AGRN: variants seen among roughly 807,000 people sequenced by gnomAD.
The protein encoded by AGRN is agrin proteoglycan.
AGRN carries 106 observed loss-of-function variants against 211.0 expected under a neutral mutation model. The observed-to-expected ratio is 0.50, with a 90% CI of 0.43 to 0.59. The LOEUF (loss-of-function observed/expected upper bound fraction) is 0.59, where lower values mean the gene tolerates loss of function less well. AGRN is among the 20% of genes least tolerant of loss of function. The probability of loss-of-function intolerance (pLI) is 0.00; values close to 1 mark genes in which losing one functional copy is unlikely to be tolerated. For missense variants in AGRN, 3,040 were observed against 2,982.6 expected, an observed-to-expected ratio of 1.02 and a Z score of -0.45; for synonymous variants, 1,525 against 1,332.5, an observed-to-expected ratio of 1.14 and a Z score of -3.15.
intron 2 of AGRN, among the ~76,000 whole-genome samples, chr1:1,030,357 TG>T (rs1480680001): frequency 7.4e-6 from 1 of 134,836 alleles, no homozygotes; most frequent in Non-Finnish European, 1.5e-5. Context: ...GTGCAGCGCA[TG>T]GTGCTGTGTG....
At chr1:1,028,136 G>A (rs1354574555) in intron 2 of AGRN, among the ~76,000 whole-genome samples, 1 of 152,182 alleles carries the variant, frequency 6.6e-6, no homozygotes, top group Non-Finnish European at 1.5e-5. Flanking sequence ...CCGGGAAGGA[G>A]CTGTGCATTG....
chr1:1,034,338 T>G, intron 2 of AGRN: 1 of 985,436 alleles, frequency 1.0e-6, no homozygotes, highest in Non-Finnish European at 1.2e-6. Context: ...GGATTTCTAC[T>G]CCGGGAGAAT....
rs754363785 is a variant in AGRN at position 1,043,579 on chromosome 1, G to A, written c.1645G>A (p.Glu549Lys). 32 of 1,605,050 alleles carry A rather than the reference G, an allele frequency of 2.0e-5. No homozygotes were observed. The highest frequency in any genetic ancestry group is 6.7e-5 in the Admixed American group (4 of 59,984). Reference sequence around the variant, plus strand: ...CCGCTTTGGAGCCCTGTGCGAGGCCGAGACCGGGCGCTGCGTGTGCCCCTC... The same window carrying A: ...CCGCTTTGGAGCCCTGTGCGAGGCCAAGACCGGGCGCTGCGTGTGCCCCTC... Reference protein sequence around the residue: ...QCRFGALCEAETGRCVCPSEC... With the variant: ...QCRFGALCEAKTGRCVCPSEC... Residue 549 changes from glutamate (E) to lysine (K), a missense_variant, in exon 9 of 36, where the codon GAG (glutamate) becomes AAG (lysine). Around this residue, in one of 3 missense-constraint regions of AGRN, gnomAD observed 1,498 missense variants for 1,457.8 expected, o/e 1.03. Coordinates refer to ENST00000379370, the MANE Select transcript of AGRN (RefSeq NM_198576.4).
chr1:1,054,819 T>C lies in AGRN; in HGVS notation c.5981-5T>C, dbSNP rs1217845704. The C allele has an allele frequency of 1.3e-6, 2 of 1,554,812 alleles. No homozygotes were observed. On this transcript the variant is annotated splice_polypyrimidine_tract_variant and splice_region_variant and intron_variant, in intron 35 of 35. Coordinates refer to ENST00000379370, the MANE Select transcript of AGRN (RefSeq NM_198576.4). ...GCCGGGTGACTCCCACTGTCTGTGC[T>C]GCAGGGGGCCTGCCGGAGCTGCCCG...
Position 1,049,922 on chromosome 1 carries a change from G to A in AGRN, c.4764G>A (p.Glu1588=). 6.2e-7 allele frequency: 1 copy of A among 1,612,194 alleles called. No homozygotes were observed. The highest frequency in any genetic ancestry group is 8.5e-7 in the Non-Finnish European group (1 of 1,179,732). The change falls in exon 27 of 36, where the codon GAG becomes GAA. Residue 1588 remains glutamate (E), a synonymous_variant. Transcript: ENST00000379370. ...ATCCAGGACCAACCTGTGCCGATGA[G>A]AAGAGCCCCTGCCAGCCCAACCCCT... The part of the protein sequence containing the change: ...PGRVGPTCAD[E]KSPCQPNPCH...
intron 7 of AGRN, 39 bp downstream of exon 7, chr1:1,042,201 C>T: frequency 6.4e-7 from 1 of 1,564,210 alleles, no homozygotes; most frequent in Non-Finnish European, 8.6e-7. Context: ...GGGTGGGCTG[C>T]TCCTGCGTCA....
In AGRN at chr1:1,035,955, G is replaced by C. The variant is rs1378632142; in HGVS notation, c.511+631G>C. 6.6e-5 allele frequency among the ~76,000 whole-genome samples: 10 copies of C among 152,284 alleles called. No individual in the cohort carries two copies. The South Asian group carries it at 2.1e-3, about 32-fold the overall frequency. On this transcript the variant is annotated intron_variant, in intron 3 of 35. Coordinates refer to ENST00000379370, the MANE Select transcript of AGRN (RefSeq NM_198576.4). The stretch of plus-strand genomic sequence containing the variant: ...GGCCACTGTCATCGGGGTGGTGTGA[G>C]GGTGTGAGGGGAAGAGAGGAAGTGG...
rs1644661204 is a variant in AGRN at position 1,031,020 on chromosome 1, TGC to T, written c.464-4256_464-4255del. ...TGAGTGTGAGATCAGCATGTGTGTG[TGC>T]AGTGCATGGTGCTGTGAGTGTATCA... On this transcript the variant is annotated intron_variant, in intron 2 of 35. Transcript: ENST00000379370. The surrounding 1 kb of genome is among the most constrained non-coding windows in gnomAD (Gnocchi z 4.8). 8.5e-6 allele frequency among the ~76,000 whole-genome samples: 1 copy of T among 117,540 alleles called. No homozygotes were observed. Among genetic ancestry groups the T allele is most frequent in the Admixed American group, 9.3e-5 (1 of 10,756 alleles). The allele number at this position is 117,540 out of a possible 152,430, so 77.1% of individuals were successfully genotyped here.
intron 2 of AGRN, among the ~76,000 whole-genome samples, chr1:1,027,498 C>T (rs72898502): frequency 6.9e-4 from 105 of 152,328 alleles, no homozygotes; most frequent in African/African-American, 2.5e-3. Context: ...GTTGGTTGTC[C>T]ACTCTCCTGC....
chr1:1,032,813 G>A lies in AGRN; in HGVS notation c.464-2464G>A, dbSNP rs1481592473. On this transcript the variant is annotated intron_variant, in intron 2 of 35. Coordinates refer to ENST00000379370, the MANE Select transcript of AGRN (RefSeq NM_198576.4). The surrounding 1 kb of genome is among the most constrained non-coding windows in gnomAD (Gnocchi z 4.7). ...CGCAGGGGTCCCTTCCAAAGGCTGC[G>A]GGTGGCCAGGGGTGTGCGGGGGCGC... Among the ~76,000 whole-genome samples the A allele has an allele frequency of 6.6e-6, 1 of 152,144 alleles. No homozygotes were observed. Among genetic ancestry groups the A allele is most frequent in the Non-Finnish European group, 1.5e-5 (1 of 68,016 alleles).
At position 1,042,169 on chromosome 1, in the gene AGRN, G is replaced by GC. The variant is rs753318299; in HGVS notation, c.1384+11dup. On this transcript the variant is annotated splice_region_variant and intron_variant, in intron 7 of 35. Coordinates refer to ENST00000379370, the MANE Select transcript of AGRN (RefSeq NM_198576.4). ...AAGCACCAGGGCCCGTGTGGTGAGC[G>GC]CCCCGGGGTGGAGGCCAGGCGGGGT... The GC allele has an allele frequency of 2.8e-5, 45 of 1,587,794 alleles. No individual in the cohort carries two copies. The African/African-American group carries it at 5.2e-4, about 18-fold the overall frequency.
Position 1,041,335 on chromosome 1 carries a change from A to T in AGRN, c.890A>T (p.Gln297Leu). Reference protein sequence around the residue: ...SDGADYPGECQLLRRACARQE... With the variant: ...SDGADYPGECLLLRRACARQE... ...GGCGCCGACTACCCCGGCGAGTGCCAGCTCCTGCGCCGCGCCTGCGCCCGC... is the reference window on the plus strand; with the variant it reads ...GGCGCCGACTACCCCGGCGAGTGCCTGCTCCTGCGCCGCGCCTGCGCCCGC... Residue 297 changes from glutamine (Q) to leucine (L), a missense_variant, in exon 5 of 36, where the codon CAG becomes CTG. Transcript: ENST00000379370. 1 of 1,529,054 alleles carries T rather than the reference A, an allele frequency of 6.5e-7. No individual in the cohort carries two copies. The highest frequency in any genetic ancestry group is 2.0e-5 in the Admixed American group (1 of 49,712). The allele number at this position is 1,529,054 out of a possible 1,614,324, so 94.7% of individuals were successfully genotyped here.
intron 2 of AGRN, chr1:1,034,249 C>T: frequency 1.0e-6 from 1 of 985,434 alleles, no homozygotes; most frequent in Non-Finnish European, 1.2e-6. Flanking sequence ...CGCTGGCGGC[C>T]AGCCCGGGGA....
At position 1,045,185 on chromosome 1, in the gene AGRN, C is replaced by T; in HGVS notation, c.2279C>T (p.Pro760Leu). Residue 760 changes from proline (P) to leucine (L), a missense_variant, in exon 13 of 36, where the codon CCT becomes CTT. Pro to Leu is a moderately conservative substitution (Grantham distance 98, BLOSUM62 -3). Around this residue, in one of 3 missense-constraint regions of AGRN, gnomAD observed 1,498 missense variants for 1,457.8 expected, o/e 1.03. Coordinates refer to ENST00000379370, the MANE Select transcript of AGRN (RefSeq NM_198576.4). ...GGCCCCACCTTCGCCCCGCTGCCGC[C>T]TGTGGCCCCCTTACACTGTGCCCAG... is the stretch of plus-strand genomic sequence containing the variant. Reference protein sequence around the residue: ...CRGPTFAPLPPVAPLHCAQTP... With the variant: ...CRGPTFAPLPLVAPLHCAQTP... 6.2e-7 allele frequency: 1 copy of T among 1,612,638 alleles called. No individual in the cohort carries two copies. The highest frequency in any genetic ancestry group is 8.5e-7 in the Non-Finnish European group (1 of 1,179,976).
At chr1:1,037,116 C>T (rs189172744) in intron 3 of AGRN, among the ~76,000 whole-genome samples, 1 of 152,260 alleles carries the variant, frequency 6.6e-6, no homozygotes, top group African/African-American at 2.4e-5. Flanking sequence ...TGGGCTGGGT[C>T]CTGGGGAGGA....
rs1246526127 is a variant in AGRN, at chr1:1,044,207, G to A, written c.2098G>A (p.Asp700Asn). 6.2e-7 allele frequency: 1 copy of A among 1,613,118 alleles called. No homozygotes were observed. The highest frequency in any genetic ancestry group is 1.7e-5 in the Admixed American group (1 of 60,030). The part of the protein sequence containing the change: ...RGGIWDEDSE[D>N]GPCVCDFSCQ... ...TGGCATCTGGGACGAGGACTCGGAG[G>A]ACGGGCCGTGTGTCTGTGACTTCAG... The change falls in exon 11 of 36, where the codon GAC becomes AAC. Residue 700 changes from aspartate to asparagine, a missense_variant. By Grantham distance (23) the Asp-to-Asn change is conservative. Around this residue, in one of 3 missense-constraint regions of AGRN, gnomAD observed 1,498 missense variants for 1,457.8 expected, o/e 1.03. Transcript: ENST00000379370.
At chr1:1,053,490 A>C (rs1235058340) in intron 33 of AGRN, 1 of 1,512,238 alleles carries the variant, frequency 6.6e-7, no homozygotes, top group East Asian at 2.6e-5. Flanking sequence ...GGGGCCCTTC[A>C]CAGGTGAGCA....
chr1:1,042,313 C>G, intron 7 of AGRN, 151 bp downstream of exon 7: 11 of 1,065,544 alleles, frequency 1.0e-5, no homozygotes, highest in Non-Finnish European at 1.3e-5. Context: ...AGGGTGGAGC[C>G]TGTGTGCGGA....
rs140954236 is a variant in AGRN at position 1,035,307 on chromosome 1, C to T, written c.494C>T (p.Pro165Leu). The T allele has an allele frequency of 3.6e-4, 575 of 1,613,122 alleles. 3 individuals carry two copies. The African/African-American group carries it at 6.9e-3, about 19-fold the overall frequency. Residue 165 changes from proline (P) to leucine (L), a missense_variant, in exon 3 of 36, where the codon CCT becomes CTT. Coordinates refer to ENST00000379370, the MANE Select transcript of AGRN (RefSeq NM_198576.4). ...CCCGGGACCCACTTCACTCCAGTGCCTCCGACGCCTCCTGATGGTGAGTAG... is the reference window on the plus strand; with the variant it reads ...CCCGGGACCCACTTCACTCCAGTGCTTCCGACGCCTCCTGATGGTGAGTAG... ...DKPGTHFTPVPPTPPDACRGM... is the reference protein window; with the variant it reads ...DKPGTHFTPVLPTPPDACRGM...
Sources: allele counts gnomAD v4.1 joint callset (sites outside exome capture counted in the v4.1 genomes callset), GRCh38; gene constraint gnomAD v4.1.1; regional missense constraint gnomAD v4.1.1; non-coding constraint Gnocchi (gnomAD v3.1); transcripts MANE v1.5; gene names NCBI Gene and HGNC (gene_info 2026-07-23, HGNC 2026-07-21).